Variants in ABCA1 observed in about 807,000 individuals in gnomAD.
ABCA1 encodes the protein ATP binding cassette subfamily A member 1, also known as phospholipid-transporting ATPase ABCA1.
Under a neutral mutation model 262.5 loss-of-function variants are expected in ABCA1, and 133 were observed. That is an observed-to-expected ratio of 0.51 (90% CI 0.44 to 0.59). The LOEUF is 0.59. Ranked by LOEUF, ABCA1 falls within the 20% of genes least tolerant of loss-of-function variation. The pLI, the probability that ABCA1 is intolerant of heterozygous loss-of-function variation, is 0.00. For synonymous variants in ABCA1, 1,022 were observed against 1,043.5 expected (o/e 0.98, Z 0.40); for missense variants, 2,452 against 2,777.5 (o/e 0.88, Z 2.63).
chr9:104,824,430 G>A lies in ABCA1; in HGVS notation c.2656+35C>T, dbSNP rs775700645. The A allele has an allele frequency of 8.1e-6, 13 of 1,613,416 alleles. No homozygotes were observed. The African/African-American group carries it at 1.6e-4, about 20-fold the overall frequency. On this transcript the variant is annotated intron_variant, in intron 18 of 49. Transcript: ENST00000374736. ...ACAGTTAGCAGAGGCAGCAGCACTA[G>A]GTTAAAGAAAGAGCAGGAGGTCAAC... is the stretch of plus-strand genomic sequence containing the variant.
intron 46 of ABCA1, 196 bp downstream of exon 46, chr9:104,787,724 G>A (rs763615079): frequency 9.6e-6 from 5 of 521,556 alleles, no homozygotes; most frequent in Non-Finnish European, 1.2e-5. Flanking sequence ...CTCTATTTGG[G>A]AGCATCTGCA....
intron 1 of ABCA1, among the ~76,000 whole-genome samples, chr9:104,913,801 C>T (rs1044716257): frequency 1.3e-5 from 2 of 152,006 alleles, no homozygotes; most frequent in Non-Finnish European, 2.9e-5. Flanking sequence ...ATTTATTTAT[C>T]TATTTATTTA....
At chr9:104,829,946 ACACAC>A (rs1833121726) in intron 14 of ABCA1, among the ~76,000 whole-genome samples, 1 of 50,562 alleles carries the variant, frequency 2.0e-5, no homozygotes, top group Non-Finnish European at 3.4e-5. Flanking sequence ...TGATCCCTAC[ACACAC>A]ACACACACAC....
intron 4 of ABCA1, 147 bp from the exon 5 acceptor site, chr9:104,883,304 C>T: frequency 1.4e-6 from 1 of 725,826 alleles, no homozygotes; most frequent in Non-Finnish European, 2.5e-6. Flanking sequence ...TGGCTCCCCA[C>T]ACCCAGCTCC....
chr9:104,814,910 G>A (rs915500614), intron 25 of ABCA1, among the ~76,000 whole-genome samples: 1 of 152,102 alleles, frequency 6.6e-6, no homozygotes, highest in African/African-American at 2.4e-5. Flanking sequence ...CAGGAGAATC[G>A]CTTGAACCTG....
At chr9:104,801,208 G>A (rs1193591781) in intron 34 of ABCA1, among the ~76,000 whole-genome samples, 5 of 151,412 alleles carry the variant, frequency 3.3e-5, no homozygotes, top group African/African-American at 1.2e-4. Context: ...GACCAAATTT[G>A]TAAACCTGGT....
intron 26 of ABCA1, 70 bp downstream of exon 26, chr9:104,814,357 A>G (rs1490320573): frequency 3.8e-6 from 6 of 1,576,684 alleles, no homozygotes; most frequent in Non-Finnish European, 4.4e-6. Context: ...GAAAGGAACA[A>G]TACTCGTGCA....
At chr9:104,845,160 G>A (rs1259644930) in intron 8 of ABCA1, among the ~76,000 whole-genome samples, 1 of 152,154 alleles carries the variant, frequency 6.6e-6, no homozygotes, top group Non-Finnish European at 1.5e-5. Flanking sequence ...GCAGTGCATG[G>A]GCAGTGGCAG....
chr9:104,826,811 C>A, intron 16 of ABCA1, 137 bp downstream of exon 16: 4 of 835,158 alleles, frequency 4.8e-6, no homozygotes, highest in Admixed American at 4.0e-5. Context: ...CCTTAAAGAG[C>A]TTAGAATCTA....
chr9:104,808,058 A>G (rs2118919750), intron 30 of ABCA1, among the ~76,000 whole-genome samples: 1 of 152,226 alleles, frequency 6.6e-6, no homozygotes, highest in African/African-American at 2.4e-5. Context: ...TCAAAAGGGG[A>G]TTGGCTGAGA....
At chr9:104,909,224 T>C (rs1841351722) in intron 1 of ABCA1, among the ~76,000 whole-genome samples, 1 of 152,134 alleles carries the variant, frequency 6.6e-6, no homozygotes. Context: ...ATTTATCGAG[T>C]GCCTATCACA....
chr9:104,814,051 G>C, intron 27 of ABCA1, 67 bp downstream of exon 27: 1 of 1,518,440 alleles, frequency 6.6e-7, no homozygotes, highest in Non-Finnish European at 9.1e-7. Flanking sequence ...AAAGAAAACA[G>C]GTGAGAGCAT....
chr9:104,848,475 C>G (rs949298006), intron 7 of ABCA1, among the ~76,000 whole-genome samples: 2 of 152,022 alleles, frequency 1.3e-5, no homozygotes, highest in Non-Finnish European at 2.9e-5. Context: ...ATTAGCCAGG[C>G]ATGGTGGCAT....
At chr9:104,896,710 T>A (rs1318300633) in intron 2 of ABCA1, among the ~76,000 whole-genome samples, 2 of 115,554 alleles carry the variant, frequency 1.7e-5, no homozygotes, top group Non-Finnish European at 3.4e-5. Context: ...TCCCTACACA[T>A]CTTTTTTTTT....
chr9:104,860,134 G>C (rs1032365418), intron 6 of ABCA1, among the ~76,000 whole-genome samples: 5 of 150,590 alleles, frequency 3.3e-5, no homozygotes, highest in African/African-American at 1.2e-4. Context: ...ATCATGCTTT[G>C]TTCCCTTTCC....
At chr9:104,833,719 G>A (rs976358566) in intron 11 of ABCA1, among the ~76,000 whole-genome samples, 1 of 152,172 alleles carries the variant, frequency 6.6e-6, no homozygotes, top group African/African-American at 2.4e-5. Context: ...GAAAAATAAT[G>A]CTGCTGGTTA....
At chr9:104,927,851 CCCCGAAACCGAGCACTT>C (rs1826477349) in intron 1 of ABCA1, 67 bp downstream of exon 1, 1 of 152,450 alleles carries the variant, frequency 6.6e-6, no homozygotes, top group South Asian at 2.1e-4. Context: ...GGATCAAAGT[CCCCGAAACCGAGCACTT>C]CCCGAAGCCT....
rs1834788478 is a variant in ABCA1 at position 104,845,476 on chromosome 9, C to T, written c.813+1G>A. ...CCTGGTACTGGAAAGACACAACTTA[C>T]CTCCTGGGCCAGAGTCCCAAGACTA... On this transcript the variant is annotated splice_donor_variant, in intron 8 of 49. Coordinates refer to ENST00000374736, the MANE Select transcript of ABCA1 (RefSeq NM_005502.4). LOFTEE classifies it high-confidence loss of function. The T allele has an allele frequency of 6.2e-7, 1 of 1,611,514 alleles. No homozygotes were observed. The highest frequency in any genetic ancestry group is 8.5e-7 in the Non-Finnish European group (1 of 1,177,756).
chr9:104,888,060 T>TGGGTGTGTGTGG (rs1554744305), intron 3 of ABCA1, among the ~76,000 whole-genome samples: 1 of 133,074 alleles, frequency 7.5e-6, no homozygotes, highest in African/African-American at 2.6e-5. Context: ...TCTTGAGGGG[T>TGGGTGTGTGTGG]GTGTGTGTGT....
Sources: allele counts gnomAD v4.1 joint callset (sites outside exome capture counted in the v4.1 genomes callset), GRCh38; gene constraint gnomAD v4.1.1; transcripts MANE v1.5; gene names NCBI Gene and HGNC (gene_info 2026-07-23, HGNC 2026-07-21).